Variants in MSI2 observed in about 807,000 individuals in gnomAD.
MSI2 encodes RNA-binding protein Musashi homolog 2.
In MSI2, 17 loss-of-function variants were observed where a neutral mutation model predicts 45.6. The ratio of observed to expected loss-of-function variants is 0.37; its 90% CI spans 0.26 to 0.56. The LOEUF is 0.56. MSI2 is among the 20% of genes least tolerant of loss of function. The pLI, the probability that MSI2 is intolerant of heterozygous loss-of-function variation, is 0.77. For missense variants in MSI2, 293 were observed against 444.2 expected, an observed-to-expected ratio of 0.66 and a Z score of 3.06; for synonymous variants, 156 against 158.2, an observed-to-expected ratio of 0.99 and a Z score of 0.11.
intron 5 of MSI2, among the ~76,000 whole-genome samples, chr17:57,262,748 G>A (rs1052739957): frequency 6.6e-6 from 1 of 152,180 alleles, no homozygotes; most frequent in Non-Finnish European, 1.5e-5. Context: ...GCAAGTGCTG[G>A]TGCCTGGGTG....
chr17:57,644,586 C>T (rs1910512327), intron 10 of MSI2, among the ~76,000 whole-genome samples: 1 of 152,116 alleles, frequency 6.6e-6, no homozygotes, highest in Non-Finnish European at 1.5e-5. Context: ...TTCTGGGTGA[C>T]AGTTTCTTCT....
intron 6 of MSI2, among the ~76,000 whole-genome samples, chr17:57,516,004 G>C (rs2086462089): frequency 6.6e-6 from 1 of 152,126 alleles, no homozygotes; most frequent in South Asian, 2.1e-4. Context: ...CACAATGATA[G>C]TACTCCCATA....
At chr17:57,479,774 T>C (rs1009117340) in intron 6 of MSI2, among the ~76,000 whole-genome samples, 1 of 152,200 alleles carries the variant, frequency 6.6e-6, no homozygotes, top group African/African-American at 2.4e-5. Flanking sequence ...CCCTGAGACC[T>C]ACTGTGGGCT....
At chr17:57,343,695 GT>G (rs1258605642) in intron 5 of MSI2, among the ~76,000 whole-genome samples, 5 of 152,098 alleles carry the variant, frequency 3.3e-5, no homozygotes, top group African/African-American at 1.2e-4. Context: ...TTTCCCTCAA[GT>G]ACAGGATACA....
chr17:57,577,428 C>T (rs2088079960), intron 7 of MSI2, among the ~76,000 whole-genome samples: 1 of 152,182 alleles, frequency 6.6e-6, no homozygotes, highest in Non-Finnish European at 1.5e-5. Context: ...GTCCCATTTC[C>T]AGACCCATAG....
At chr17:57,639,357 A>G (rs1327743945) in intron 10 of MSI2, among the ~76,000 whole-genome samples, 1 of 152,224 alleles carries the variant, frequency 6.6e-6, no homozygotes, top group East Asian at 1.9e-4. Context: ...TCCTACCTCC[A>G]TGGATTCCCC....
intron 5 of MSI2, among the ~76,000 whole-genome samples, chr17:57,307,229 T>A (rs1911996012): frequency 6.6e-6 from 1 of 152,172 alleles, no homozygotes; most frequent in African/African-American, 2.4e-5. Flanking sequence ...GCTGTGAAAG[T>A]ATTTGTGGAT....
At position 57,657,346 on chromosome 17, in the gene MSI2, G is replaced by A. The variant is rs541006606; in HGVS notation, c.790+5185G>A. 1.1e-4 allele frequency among the ~76,000 whole-genome samples: 17 copies of A among 152,284 alleles called. 1 individual carries two copies. Among genetic ancestry groups the A allele is most frequent in the Admixed American group, 9.1e-4 (14 of 15,304 alleles). On this transcript the variant is annotated intron_variant, in intron 11 of 13. Coordinates refer to ENST00000284073, the MANE Select transcript of MSI2 (RefSeq NM_138962.4). ...GGGTGCGGGTGAGGGAGGTACACAG[G>A]GAGATGGCTGGAACTGTCAGGCTTC...
chr17:57,501,392 A>G (rs1457531260), intron 6 of MSI2, among the ~76,000 whole-genome samples: 1 of 152,194 alleles, frequency 6.6e-6, no homozygotes, highest in Non-Finnish European at 1.5e-5. Flanking sequence ...CTGTTTTATC[A>G]TCTAGTTTAG....
Position 57,385,321 on chromosome 17 carries a change from C to G in MSI2, c.313-16058C>G, listed in dbSNP as rs141583168. On this transcript the variant is annotated intron_variant, in intron 5 of 13. Transcript: ENST00000284073. ...TCATGTCTCCATCCTCATCTCCCCTCAGACCCTCCTTTTCACTTGACTTCT... is the reference window on the plus strand; with the variant it reads ...TCATGTCTCCATCCTCATCTCCCCTGAGACCCTCCTTTTCACTTGACTTCT... Among the ~76,000 whole-genome samples, 315 of 152,348 alleles carry G rather than the reference C, an allele frequency of 2.1e-3. 1 individual carries two copies. The highest frequency in any genetic ancestry group is 3.5e-3 in the Non-Finnish European group (238 of 68,034).
intron 8 of MSI2, among the ~76,000 whole-genome samples, chr17:57,598,792 A>G (rs1296400297): frequency 1.3e-5 from 2 of 152,072 alleles, no homozygotes; most frequent in South Asian, 2.1e-4. Flanking sequence ...CCTCCCAAGT[A>G]GCTGGGACTA....
At chr17:57,539,540 A>G (rs2086995494) in intron 7 of MSI2, among the ~76,000 whole-genome samples, 1 of 35,876 alleles carries the variant, frequency 2.8e-5, no homozygotes, top group Admixed American at 2.8e-4. Context: ...GAAAATACAA[A>G]AATTAGCCAG....
At chr17:57,372,346 A>T (rs1403896905) in intron 5 of MSI2, among the ~76,000 whole-genome samples, 3 of 152,230 alleles carry the variant, frequency 2.0e-5, no homozygotes, top group Admixed American at 6.5e-5. Context: ...CTGAATCAGA[A>T]CTTTCAGTGT....
intron 7 of MSI2, among the ~76,000 whole-genome samples, chr17:57,583,355 C>T (rs559742915): frequency 3.3e-5 from 5 of 152,204 alleles, no homozygotes; most frequent in Admixed American, 3.3e-4. Flanking sequence ...GGACAAGTGT[C>T]TTGCTGACAT....
chr17:57,622,613 G>A (rs954117537), intron 9 of MSI2, among the ~76,000 whole-genome samples: 1 of 151,894 alleles, frequency 6.6e-6, no homozygotes, highest in African/African-American at 2.4e-5. Flanking sequence ...GTGAAGTCCT[G>A]ACTCAGTGTT....
At position 57,596,096 on chromosome 17, in the gene MSI2, C is replaced by T. The variant is rs537454165; in HGVS notation, c.455-772C>T. On this transcript the variant is annotated intron_variant, in intron 7 of 13. Transcript: ENST00000284073. This position sits in a 1 kb window ranked among gnomAD's most constrained non-coding sequence, Gnocchi z 4.6. ...TACTGAGTGGGGTCACAGATGGGGCCACATGCTGGAAACGCTGTCGGAGGC... is the reference window on the plus strand; with the variant it reads ...TACTGAGTGGGGTCACAGATGGGGCTACATGCTGGAAACGCTGTCGGAGGC... Among the ~76,000 whole-genome samples, 12 of 152,278 alleles carry T rather than the reference C, an allele frequency of 7.9e-5. No homozygotes were observed. The South Asian group carries it at 2.5e-3, about 32-fold the overall frequency.
intron 5 of MSI2, among the ~76,000 whole-genome samples, chr17:57,364,582 T>A (rs1327237570): frequency 6.6e-6 from 1 of 152,226 alleles, no homozygotes; most frequent in Non-Finnish European, 1.5e-5. Flanking sequence ...AATGGGCTTG[T>A]GTTTAAGCCC....
intron 7 of MSI2, among the ~76,000 whole-genome samples, chr17:57,537,607 A>T (rs1027894824): frequency 6.6e-6 from 1 of 152,194 alleles, no homozygotes; most frequent in African/African-American, 2.4e-5. Context: ...CCAAGACCTT[A>T]ATTTTATTTC....
intron 11 of MSI2, among the ~76,000 whole-genome samples, chr17:57,654,718 ACAGGGAGACATT>A (rs1306427620): frequency 6.6e-6 from 1 of 152,138 alleles, no homozygotes; most frequent in African/African-American, 2.4e-5. Flanking sequence ...ATAGGGAGAC[ACAGGGAGACATT>A]CAGGGAGAGT....
Sources: gnomAD v4.1 joint callset for allele counts (sites outside exome capture counted in the v4.1 genomes callset) on GRCh38, gnomAD v4.1.1 for gene constraint, Gnocchi (gnomAD v3.1) non-coding constraint, MANE v1.5 for transcripts, NCBI Gene and HGNC (gene_info 2026-07-23, HGNC 2026-07-21) for gene names.